The following MGAT4C variants were observed in gnomAD, a reference collection of about 807,000 sequenced individuals.
The protein encoded by MGAT4C is MGAT4 family member C.
In MGAT4C, 19 loss-of-function variants were observed where a neutral mutation model predicts 40.1. The observed-to-expected ratio is 0.47, with a 90% CI of 0.33 to 0.70. The LOEUF is 0.70. Ranked by LOEUF, MGAT4C falls within the 30% of genes least tolerant of loss-of-function variation. The pLI is 0.02. For missense variants in MGAT4C, 491 were observed against 563.2 expected (o/e 0.87, Z 1.30); for synonymous variants, 181 against 187.1 (o/e 0.97, Z 0.27).
intron 1 of MGAT4C, among the ~76,000 whole-genome samples, chr12:86,224,005 A>G (rs1593278983): frequency 2.0e-5 from 3 of 152,252 alleles, no homozygotes; most frequent in South Asian, 4.1e-4. Context: ...CTGGCCAACA[A>G]CTGCCACTAC....
intron 1 of MGAT4C, among the ~76,000 whole-genome samples, chr12:86,200,762 C>A (rs867351894): frequency 6.6e-6 from 1 of 152,042 alleles, no homozygotes; most frequent in African/African-American, 2.4e-5. Context: ...TATGTTGAGA[C>A]CTAAAATCCC....
chr12:86,546,299 A>T (rs960649728), intron 2 of MGAT4C, among the ~76,000 whole-genome samples: 10 of 151,670 alleles, frequency 6.6e-5, no homozygotes, highest in African/African-American at 2.4e-4. Flanking sequence ...TCTATTTATT[A>T]CTGCATTCAA....
chr12:86,753,807 G>A lies in MGAT4C; in HGVS notation c.-261-26566C>T, dbSNP rs79591572. On this transcript the variant is annotated intron_variant, in intron 1 of 7. Transcript: ENST00000548651. The stretch of plus-strand genomic sequence containing the variant: ...AAGAAAATGCAAATTAAACCACAGA[G>A]AGAAAGTACTATAAATTTAGACTGC... Among the ~76,000 whole-genome samples the A allele has an allele frequency of 3.2e-3, 487 of 152,130 alleles. 1 individual carries two copies. The highest frequency in any genetic ancestry group is 0.011 in the African/African-American group (466 of 41,526).
At chr12:86,540,538 C>T (rs550532265) in intron 2 of MGAT4C, among the ~76,000 whole-genome samples, 24 of 152,236 alleles carry the variant, frequency 1.6e-4, no homozygotes, top group Admixed American at 3.9e-4. Context: ...GAGTTTGAGA[C>T]CAGCCTGGCC....
intron 3 of MGAT4C, among the ~76,000 whole-genome samples, chr12:86,365,051 G>T (rs567389288): frequency 6.6e-6 from 1 of 152,056 alleles, no homozygotes; most frequent in Non-Finnish European, 1.5e-5. Context: ...GGAGCACTAC[G>T]GGAGACTGGG....
intron 1 of MGAT4C, among the ~76,000 whole-genome samples, chr12:86,767,795 G>A (rs1297952215): frequency 6.6e-6 from 1 of 152,066 alleles, no homozygotes; most frequent in Non-Finnish European, 1.5e-5. Flanking sequence ...ATGCAGAAAA[G>A]GCCTTTGACA....
chr12:86,189,793 G>A (rs190792183), intron 1 of MGAT4C, among the ~76,000 whole-genome samples: 7 of 151,960 alleles, frequency 4.6e-5, no homozygotes, highest in African/African-American at 1.7e-4. Context: ...GGGTAGTCTT[G>A]TAGTTCACTC....
At chr12:86,007,112 A>G (rs1887964260) in intron 2 of MGAT4C, among the ~76,000 whole-genome samples, 1 of 152,158 alleles carries the variant, frequency 6.6e-6, no homozygotes, top group African/African-American at 2.4e-5. Context: ...CTTTATCATT[A>G]TCATAGGAAA....
intron 1 of MGAT4C, among the ~76,000 whole-genome samples, chr12:86,808,737 C>A (rs1952412118): frequency 6.6e-6 from 1 of 152,028 alleles, no homozygotes. Context: ...TGCCCTCTCT[C>A]ACCCCTCCTA....
At chr12:86,342,038 G>A (rs1954917120) in intron 3 of MGAT4C, among the ~76,000 whole-genome samples, 1 of 152,074 alleles carries the variant, frequency 6.6e-6, no homozygotes, top group Admixed American at 6.6e-5. Context: ...GTGGGTTCCT[G>A]TCAAGTTCCT....
chr12:86,021,568 T>C (rs1209199447), intron 2 of MGAT4C, among the ~76,000 whole-genome samples: 1 of 117,876 alleles, frequency 8.5e-6, no homozygotes, highest in Non-Finnish European at 1.6e-5. Context: ...AAGGGGAACA[T>C]CACACACCAG....
At chr12:86,656,929 A>C (rs899164076) in intron 2 of MGAT4C, among the ~76,000 whole-genome samples, 4 of 152,066 alleles carry the variant, frequency 2.6e-5, no homozygotes, top group African/African-American at 9.7e-5. Context: ...TACTTGAAAT[A>C]TGTTCAAACA....
At chr12:86,596,285 C>G (rs1258506675) in intron 2 of MGAT4C, among the ~76,000 whole-genome samples, 1 of 152,132 alleles carries the variant, frequency 6.6e-6, no homozygotes, top group Non-Finnish European at 1.5e-5. Flanking sequence ...ACATCAAACT[C>G]AAGTTAACCA....
chr12:86,648,691 G>A (rs1043798167), intron 2 of MGAT4C, among the ~76,000 whole-genome samples: 3 of 151,872 alleles, frequency 2.0e-5, no homozygotes, highest in African/African-American at 7.2e-5. Flanking sequence ...TGATAAATAA[G>A]TGCTTGCCGT....
intron 1 of MGAT4C, among the ~76,000 whole-genome samples, chr12:86,154,367 G>A (rs1275132130): frequency 6.6e-6 from 1 of 152,184 alleles, no homozygotes; most frequent in Non-Finnish European, 1.5e-5. Context: ...GTGAGGCATT[G>A]TCCCTTAGGT....
chr12:86,667,699 C>T (rs1289276713), intron 2 of MGAT4C, among the ~76,000 whole-genome samples: 2 of 152,160 alleles, frequency 1.3e-5, no homozygotes, highest in East Asian at 3.8e-4. Context: ...TTTATGAATA[C>T]TAAAATTTGA....
intron 2 of MGAT4C, among the ~76,000 whole-genome samples, chr12:85,993,167 A>C (rs940172115): frequency 6.6e-6 from 1 of 152,268 alleles, no homozygotes; most frequent in Non-Finnish European, 1.5e-5. Context: ...CTAGAACTTA[A>C]CCTAAGTAAT....
chr12:86,012,778 A>AACAACAACAACCACCACCACC (rs1308194133), intron 2 of MGAT4C, among the ~76,000 whole-genome samples: 6 of 136,348 alleles, frequency 4.4e-5, no homozygotes, highest in African/African-American at 1.4e-4. Context: ...CAACAACAAC[A>AACAACAACAACCACCACCACC]ACCACCACCA....
At chr12:86,612,932 T>G (rs1463091010) in intron 2 of MGAT4C, among the ~76,000 whole-genome samples, 2 of 152,100 alleles carry the variant, frequency 1.3e-5, no homozygotes, top group East Asian at 3.9e-4. Context: ...TAATCTGAAG[T>G]GTTCATCAGA....
Sources: gnomAD v4.1 joint callset for allele counts (sites outside exome capture counted in the v4.1 genomes callset) on GRCh38, gnomAD v4.1.1 for gene constraint, MANE v1.5 for transcripts, NCBI Gene and HGNC (gene_info 2026-07-23, HGNC 2026-07-21) for gene names.